The following THUMPD2 variants were observed in gnomAD, a reference collection of about 807,000 sequenced individuals.
The protein encoded by THUMPD2 is U6 snRNA (guanine-N(2))-methyltransferase THUMPD2.
THUMPD2 carries 56 observed loss-of-function variants against 49.4 expected under a neutral mutation model. The ratio of observed to expected loss-of-function variants is 1.13; its 90% CI spans 0.91 to 1.41. The LOEUF is 1.41. THUMPD2 is among the 40% of genes most tolerant of loss of function. The pLI is 0.00. For missense variants in THUMPD2, 709 were observed against 594.5 expected (o/e 1.19, Z -2.00); for synonymous variants, 237 against 205.2 (o/e 1.15, Z -1.32).
intron 5 of THUMPD2, 144 bp downstream of exon 5, chr2:39,765,913 T>G (rs1463552629): frequency 2.9e-6 from 2 of 688,320 alleles, no homozygotes; most frequent in African/African-American, 3.8e-5. Flanking sequence ...GAAAATACTT[T>G]ATTGTCTTAA....
chr2:39,754,997 C>G (rs1675903315), intron 8 of THUMPD2, among the ~76,000 whole-genome samples: 2 of 152,036 alleles, frequency 1.3e-5, no homozygotes, highest in African/African-American at 4.8e-5. Context: ...TTTAAACGAT[C>G]ACTGGTTCTG....
At chr2:39,746,599 C>T (rs1398631793) in intron 8 of THUMPD2, among the ~76,000 whole-genome samples, 3 of 152,004 alleles carry the variant, frequency 2.0e-5, no homozygotes, top group Non-Finnish European at 2.9e-5. Context: ...AAGTAAAAAT[C>T]ATCTTTTTAC....
intron 6 of THUMPD2, among the ~76,000 whole-genome samples, chr2:39,760,587 G>C (rs1252880088): frequency 6.6e-6 from 1 of 152,034 alleles, no homozygotes; most frequent in Admixed American, 6.5e-5. Context: ...CTCACTGAAA[G>C]AGAGACCATC....
chr2:39,778,530 G>C (rs1679412404), intron 1 of THUMPD2, among the ~76,000 whole-genome samples: 1 of 152,138 alleles, frequency 6.6e-6, no homozygotes, highest in Non-Finnish European at 1.5e-5. Context: ...CAAGAAACCA[G>C]TTTTCAACAT....
intron 4 of THUMPD2, 79 bp downstream of exon 4, chr2:39,768,345 A>C: frequency 8.2e-7 from 1 of 1,221,390 alleles, no homozygotes. Flanking sequence ...AATAAAACGG[A>C]AAAGTATGAT....
At chr2:39,758,616 C>G (rs923772311) in intron 6 of THUMPD2, among the ~76,000 whole-genome samples, 1 of 152,168 alleles carries the variant, frequency 6.6e-6, no homozygotes, top group Admixed American at 6.5e-5. Flanking sequence ...CTCCAGGTAT[C>G]TCAGCAGGAC....
intron 6 of THUMPD2, among the ~76,000 whole-genome samples, chr2:39,756,784 A>G (rs1676189001): frequency 6.6e-6 from 1 of 152,176 alleles, no homozygotes; most frequent in African/African-American, 2.4e-5. Context: ...GGAGGCAAGC[A>G]GGCTAACTAG....
chr2:39,760,717 G>A (rs1390086430), intron 6 of THUMPD2, among the ~76,000 whole-genome samples: 1 of 152,072 alleles, frequency 6.6e-6, no homozygotes, highest in Admixed American at 6.6e-5. Context: ...GTAAGACAGT[G>A]AGACTTAAAT....
intron 8 of THUMPD2, among the ~76,000 whole-genome samples, chr2:39,750,729 T>G (rs1334024878): frequency 6.6e-6 from 1 of 152,018 alleles, no homozygotes; most frequent in Non-Finnish European, 1.5e-5. Context: ...AAAAATTGTT[T>G]AAGAACTACT....
chr2:39,744,343 A>G, intron 9 of THUMPD2, 27 bp downstream of exon 9: 1 of 1,452,124 alleles, frequency 6.9e-7, no homozygotes. Context: ...AGCTAAAAAA[A>G]TTATGAAAAT....
chr2:39,756,031 T>G, intron 6 of THUMPD2, 71 bp from the exon 7 acceptor site: 1 of 1,364,070 alleles, frequency 7.3e-7, no homozygotes, highest in South Asian at 1.2e-5. Context: ...AACCTAAAAC[T>G]TGAGGAATCA....
chr2:39,778,443 T>C (rs1437894520), intron 1 of THUMPD2, among the ~76,000 whole-genome samples: 1 of 152,218 alleles, frequency 6.6e-6, no homozygotes, highest in Non-Finnish European at 1.5e-5. Flanking sequence ...GCTCTCCTTT[T>C]CCAAGAGTAC....
rs1377857253 is a variant in THUMPD2 at position 39,738,674 on chromosome 2, T to TAC, written c.1188-1616_1188-1615insGT. Among the ~76,000 whole-genome samples the TAC allele has an allele frequency of 2.0e-5, 3 of 147,536 alleles. No individual in the cohort carries two copies. In the South Asian group the frequency reaches 6.3e-4, roughly 31 times the overall value. ...TATATACATATAAATTATATGTATA[T>TAC]ATACACATATATACATATATAAATT... On this transcript the variant is annotated intron_variant, in intron 9 of 9. Transcript: ENST00000505747.
At chr2:39,776,638 G>A (rs993416143) in intron 1 of THUMPD2, among the ~76,000 whole-genome samples, 2 of 152,008 alleles carry the variant, frequency 1.3e-5, no homozygotes, top group African/African-American at 2.4e-5. Flanking sequence ...TAATCTGCCC[G>A]GCTTGGCCTC....
chr2:39,741,070 G>T (rs6716262), intron 9 of THUMPD2, among the ~76,000 whole-genome samples: 8,252 of 151,994 alleles, frequency 0.054, 368 homozygotes, highest in African/African-American at 0.12. Flanking sequence ...TTACCAAATT[G>T]TATTCCTTTG....
rs773950820 is a variant in THUMPD2, at chr2:39,769,893, C to T, written c.489G>A (p.Leu163=). Residue 163 remains leucine, a synonymous_variant, in exon 3 of 10, where the codon CTG becomes CTA. Coordinates refer to ENST00000505747, the MANE Select transcript of THUMPD2 (RefSeq NM_025264.5). ...GAGTTTCTTCTTTTATTTGTTTTTC[C>T]AGCTGGCAGTCCCTATTCTCTTCTA... The part of the protein sequence containing the change: ...QKIEENRDCQ[L]EKQIKEETLE... The T allele has an allele frequency of 1.4e-5, 22 of 1,597,818 alleles. No individual in the cohort carries two copies. The highest frequency in any genetic ancestry group is 1.7e-4 in the Middle Eastern group (1 of 5,936).
chr2:39,736,124 A>G lies in THUMPD2; in HGVS notation c.*611T>C, dbSNP rs1033440121. On this transcript the variant is annotated 3_prime_UTR_variant, in exon 10 of 10. Coordinates refer to ENST00000505747, the MANE Select transcript of THUMPD2 (RefSeq NM_025264.5). ...AACATAAGCAACAAACTGACTTTCT[A>G]TATAAATAAGGGCGAGGTGACAGTG... 1.9e-4 allele frequency: 29 copies of G among 152,224 alleles called. No homozygotes were observed. Among genetic ancestry groups the G allele is most frequent in the African/African-American group, 7.0e-4 (29 of 41,444 alleles). 9.4% of individuals were successfully genotyped at this position (152,224 alleles called of 1,614,324 possible).
chr2:39,767,603 C>CAAA lies in THUMPD2; in HGVS notation c.750+818_750+820dup, dbSNP rs57906396. On this transcript the variant is annotated intron_variant, in intron 4 of 9. Transcript: ENST00000505747. ...TGGGCGACAGAGCGAGACTCCGTCT[C>CAAA]AAAAAAAAAAAAAAAAAAAGAATTG... Among the ~76,000 whole-genome samples the CAAA allele has an allele frequency of 6.9e-4, 47 of 67,828 alleles. 4 individuals are homozygous for CAAA. The highest frequency in any genetic ancestry group is 3.5e-3 in the African/African-American group (46 of 12,968). 44.5% of individuals were successfully genotyped at this position (67,828 alleles called of 152,430 possible).
chr2:39,754,508 G>C (rs114123201), intron 8 of THUMPD2, among the ~76,000 whole-genome samples: 160 of 152,238 alleles, frequency 1.1e-3, no homozygotes, highest in Non-Finnish European at 1.6e-3. Flanking sequence ...TTATAGGTCT[G>C]ATACTGGGAC....
Sources: allele counts gnomAD v4.1 joint callset (sites outside exome capture counted in the v4.1 genomes callset), GRCh38; gene constraint gnomAD v4.1.1; transcripts MANE v1.5; gene names NCBI Gene and HGNC (gene_info 2026-07-23, HGNC 2026-07-21).